The following ANO3 variants were observed in gnomAD, a reference collection of about 807,000 sequenced individuals.
The protein encoded by ANO3 is anoctamin-3.
A neutral mutation model predicts 144.8 loss-of-function variants in ANO3; 99 were observed. That is an observed-to-expected ratio of 0.68 (90% CI 0.58 to 0.81). ANO3 has a LOEUF of 0.81. ANO3 is among the 30% of genes least tolerant of loss of function. ANO3 has a pLI of 0.00. For synonymous variants in ANO3, 414 were observed against 392.6 expected (o/e 1.05, Z -0.64); for missense variants, 905 against 1,202.2 (o/e 0.75, Z 3.66).
intron 1 of ANO3, among the ~76,000 whole-genome samples, chr11:26,408,696 T>G (rs1308235688): frequency 1.3e-5 from 2 of 150,622 alleles, no homozygotes; most frequent in African/African-American, 2.4e-5. Context: ...TGTGGCACTA[T>G]TCACAATAGC....
At chr11:26,608,885 A>G (rs1852010484) in intron 17 of ANO3, among the ~76,000 whole-genome samples, 1 of 152,164 alleles carries the variant, frequency 6.6e-6, no homozygotes, top group African/African-American at 2.4e-5. Flanking sequence ...GGCAGCTATT[A>G]GTCCCAGTGC....
chr11:26,399,734 C>T (rs1377334499), intron 1 of ANO3, among the ~76,000 whole-genome samples: 4 of 151,824 alleles, frequency 2.6e-5, no homozygotes, highest in African/African-American at 9.7e-5. Flanking sequence ...CTGCCCCTGC[C>T]CCCTTTCCTG....
intron 26 of ANO3, among the ~76,000 whole-genome samples, chr11:26,659,775 C>T (rs1236547138): frequency 3.3e-5 from 5 of 152,018 alleles, no homozygotes; most frequent in Non-Finnish European, 7.4e-5. Context: ...ATATTTAAAG[C>T]AGCTATGATG....
At position 26,281,869 on chromosome 11, in the gene ANO3, C is replaced by A. The variant is rs150105094; in HGVS notation, c.155-27776C>A. Among the ~76,000 whole-genome samples, 956 of 152,184 alleles carry A rather than the reference C, an allele frequency of 6.3e-3. 10 individuals carry two copies. The highest frequency in any genetic ancestry group is 0.022 in the African/African-American group (902 of 41,500). ...CAAATGTCTTCAAGAAGCTCCTCAT[C>A]TCTTTTGGAATATTTTTGCCCCAAC... On this transcript the variant is annotated intron_variant, in intron 1 of 27. Coordinates refer to the ANO3 transcript ENST00000672621.
At chr11:26,352,349 T>C (rs1476683500) in intron 1 of ANO3, among the ~76,000 whole-genome samples, 1 of 152,214 alleles carries the variant, frequency 6.6e-6, no homozygotes, top group Non-Finnish European at 1.5e-5. Context: ...TAAGAGAACA[T>C]TGAAGATCCT....
At chr11:26,351,283 AC>A (rs1312805922) in intron 1 of ANO3, among the ~76,000 whole-genome samples, 11 of 151,966 alleles carry the variant, frequency 7.2e-5, no homozygotes, top group Non-Finnish European at 1.0e-4. Context: ...GTTATATGTG[AC>A]CCTAAATCAC....
At chr11:26,638,179 A>G (rs986219095) in intron 20 of ANO3, among the ~76,000 whole-genome samples, 15 of 152,164 alleles carry the variant, frequency 9.9e-5, no homozygotes, top group African/African-American at 3.4e-4. Flanking sequence ...CATCTTGAGA[A>G]TGGGCTAGAC....
chr11:26,197,598 G>A (rs558537287), intron 1 of ANO3, among the ~76,000 whole-genome samples: 15 of 151,986 alleles, frequency 9.9e-5, no homozygotes, highest in East Asian at 3.9e-4. Flanking sequence ...TGATCCTCCC[G>A]CCTCGGCCTC....
chr11:26,367,783 T>C (rs1856134461), intron 1 of ANO3, among the ~76,000 whole-genome samples: 1 of 152,110 alleles, frequency 6.6e-6, no homozygotes, highest in Admixed American at 6.6e-5. Flanking sequence ...TAGTGAAGCA[T>C]CAAGGAGCTT....
intron 4 of ANO3, among the ~76,000 whole-genome samples, chr11:26,469,191 C>T (rs1275368433): frequency 6.6e-6 from 1 of 151,948 alleles, no homozygotes; most frequent in Non-Finnish European, 1.5e-5. Flanking sequence ...TCGGAAACCT[C>T]TCTAAGTAAA....
intron 17 of ANO3, among the ~76,000 whole-genome samples, chr11:26,603,967 T>A (rs746671752): frequency 2.0e-5 from 3 of 152,138 alleles, no homozygotes; most frequent in Non-Finnish European, 4.4e-5. Flanking sequence ...CATCCAAGCC[T>A]CTTTTCTAGC....
chr11:26,332,439 G>A, intron 1 of ANO3, 118 bp downstream of exon 1: 1 of 777,052 alleles, frequency 1.3e-6, no homozygotes, highest in South Asian at 1.8e-5. Flanking sequence ...GGAACTCTGT[G>A]AAGTTAAAAA....
chr11:26,390,745 C>T (rs1300892298), intron 1 of ANO3, among the ~76,000 whole-genome samples: 1 of 152,052 alleles, frequency 6.6e-6, no homozygotes, highest in Non-Finnish European at 1.5e-5. Flanking sequence ...AACCATTACA[C>T]AGTTACTGAA....
chr11:26,218,513 G>T (rs1318961430), intron 1 of ANO3, among the ~76,000 whole-genome samples: 1 of 151,952 alleles, frequency 6.6e-6, no homozygotes, highest in Non-Finnish European at 1.5e-5. Context: ...CGTCTTATTT[G>T]TGTTCAATTA....
At chr11:26,473,979 T>C in intron 4 of ANO3, 1 of 985,162 alleles carries the variant, frequency 1.0e-6, no homozygotes, top group South Asian at 4.7e-5. Flanking sequence ...GCACTCAGTA[T>C]GTAACATTCT....
chr11:26,651,700 A>T (rs533743346), intron 24 of ANO3, among the ~76,000 whole-genome samples: 1 of 152,224 alleles, frequency 6.6e-6, no homozygotes, highest in Non-Finnish European at 1.5e-5. Flanking sequence ...ATATCAATAG[A>T]TACACCTCTG....
chr11:26,457,363 T>G (rs1859207970), intron 3 of ANO3, among the ~76,000 whole-genome samples: 1 of 151,446 alleles, frequency 6.6e-6, no homozygotes, highest in Non-Finnish European at 1.5e-5. Context: ...GATTTATAGA[T>G]TAAATTTAAA....
In ANO3 at chr11:26,341,774, G is replaced by T. The variant is rs149531514; in HGVS notation, c.46+9453G>T. 1.0e-3 allele frequency among the ~76,000 whole-genome samples: 155 copies of T among 152,256 alleles called. 1 individual carries two copies. The Middle Eastern group carries it at 0.017, about 17-fold the overall frequency. ...CCAACAGTGCAGCCTTCAGCTAAAG[G>T]CCCGGGAATCCCTGGCAAACCACTG... On this transcript the variant is annotated intron_variant, in intron 1 of 26. Transcript: ENST00000256737.
chr11:26,641,822 C>G, intron 21 of ANO3, 74 bp from the exon 22 acceptor site: 2 of 1,391,688 alleles, frequency 1.4e-6, no homozygotes, highest in Middle Eastern at 1.9e-4. Flanking sequence ...TTACTCATTT[C>G]TTAATTCACT....
Sources: allele counts gnomAD v4.1 joint callset (sites outside exome capture counted in the v4.1 genomes callset), GRCh38; gene constraint gnomAD v4.1.1; transcripts MANE v1.5; gene names NCBI Gene and HGNC (gene_info 2026-07-23, HGNC 2026-07-21).